RAB31: variants seen among roughly 807,000 people sequenced by gnomAD.
RAB31 encodes the protein ras-related protein Rab-31.
RAB31 carries 21 observed loss-of-function variants against 25.6 expected under a neutral mutation model. That is an observed-to-expected ratio of 0.82 (90% CI 0.58 to 1.18). The LOEUF (loss-of-function observed/expected upper bound fraction) is 1.18, where lower values mean the gene tolerates loss of function less well. Ranked by LOEUF, RAB31 falls within the 50% of genes most tolerant of loss-of-function variation. The pLI is 0.00. For synonymous variants in RAB31, 87 were observed against 84.0 expected, an observed-to-expected ratio of 1.04 and a Z score of -0.20; for missense variants, 196 against 250.1, an observed-to-expected ratio of 0.78 and a Z score of 1.46.
chr18:9,754,017 T>C (rs2068248375), intron 1 of RAB31, among the ~76,000 whole-genome samples: 1 of 152,146 alleles, frequency 6.6e-6, no homozygotes, highest in Non-Finnish European at 1.5e-5. Flanking sequence ...GCATCACCAC[T>C]GGGCATAAGT....
chr18:9,721,588 C>A (rs2068073954), intron 1 of RAB31, among the ~76,000 whole-genome samples: 2 of 149,244 alleles, frequency 1.3e-5, no homozygotes, highest in African/African-American at 5.0e-5. Context: ...TGCACTCCAA[C>A]CTGGCTGACA....
At position 9,738,124 on chromosome 18, in the gene RAB31, C is replaced by T. The variant is rs140574116; in HGVS notation, c.39+29680C>T. On this transcript the variant is annotated intron_variant, in intron 1 of 6. Coordinates refer to ENST00000578921, the MANE Select transcript of RAB31 (RefSeq NM_006868.4). ...CACAGCCCTGGTTCCAATGACTTAA[C>T]GCCGCCTGGGCCACTGCAAGACCGG... is the stretch of plus-strand genomic sequence containing the variant. Among the ~76,000 whole-genome samples the T allele has an allele frequency of 2.2e-3, 341 of 152,336 alleles. 3 individuals carry two copies. Among genetic ancestry groups the T allele is most frequent in the African/African-American group, 7.6e-3 (316 of 41,586 alleles).
intron 5 of RAB31, among the ~76,000 whole-genome samples, chr18:9,840,425 C>T (rs1456242964): frequency 6.6e-6 from 1 of 152,126 alleles, no homozygotes; most frequent in Admixed American, 6.6e-5. Flanking sequence ...CTCCCATAAT[C>T]GTAATGACGG....
intron 1 of RAB31, among the ~76,000 whole-genome samples, chr18:9,758,481 G>C (rs1052721647): frequency 6.6e-6 from 1 of 151,960 alleles, no homozygotes; most frequent in Non-Finnish European, 1.5e-5. Context: ...CACCAGTCCT[G>C]CCTGTCTCTT....
chr18:9,751,454 C>G (rs140423335), intron 1 of RAB31, among the ~76,000 whole-genome samples: 2 of 152,174 alleles, frequency 1.3e-5, no homozygotes, highest in African/African-American at 2.4e-5. Context: ...GACCTTGGCC[C>G]GCGGTGCAGA....
chr18:9,845,103 G>A (rs545798747), intron 5 of RAB31, among the ~76,000 whole-genome samples: 3 of 152,102 alleles, frequency 2.0e-5, no homozygotes, highest in Non-Finnish European at 4.4e-5. Context: ...AGCCATGGTC[G>A]GTATAACCAT....
At chr18:9,785,862 G>A (rs1176759741) in intron 2 of RAB31, among the ~76,000 whole-genome samples, 2 of 152,124 alleles carry the variant, frequency 1.3e-5, no homozygotes, top group East Asian at 1.9e-4. Flanking sequence ...GGGGTTTGAG[G>A]CCAGCCTGAC....
chr18:9,814,672 C>T (rs1286100736), intron 4 of RAB31: 1 of 160,672 alleles, frequency 6.2e-6, no homozygotes, highest in Non-Finnish European at 1.4e-5. Context: ...CCACGAGTTC[C>T]TGACCACTTC....
At chr18:9,728,670 T>C (rs2068106880) in intron 1 of RAB31, among the ~76,000 whole-genome samples, 1 of 152,096 alleles carries the variant, frequency 6.6e-6, no homozygotes, top group Non-Finnish European at 1.5e-5. Flanking sequence ...ACCGAGTAGC[T>C]GGGATTACAG....
chr18:9,845,770 C>G, intron 6 of RAB31, 79 bp downstream of exon 6: 1 of 1,440,156 alleles, frequency 6.9e-7, no homozygotes, highest in East Asian at 2.6e-5. Context: ...TTTTAGAACT[C>G]TGAAGTGAAC....
intron 1 of RAB31, among the ~76,000 whole-genome samples, chr18:9,763,600 T>TTATATATATATATA (rs57545209): frequency 2.8e-5 from 4 of 141,696 alleles, no homozygotes; most frequent in African/African-American, 1.0e-4. Flanking sequence ...AAGAAAAAAA[T>TTATATATATATATA]TATATATATA....
chr18:9,728,202 C>A (rs1223656094), intron 1 of RAB31, among the ~76,000 whole-genome samples: 2 of 152,202 alleles, frequency 1.3e-5, no homozygotes, highest in Non-Finnish European at 2.9e-5. Flanking sequence ...AGCAATCCCA[C>A]TTATTTTAAA....
intron 1 of RAB31, among the ~76,000 whole-genome samples, chr18:9,736,253 T>G (rs1005330065): frequency 6.6e-6 from 1 of 152,186 alleles, no homozygotes; most frequent in Non-Finnish European, 1.5e-5. Flanking sequence ...GGATTACAGA[T>G]GTGAACCACC....
chr18:9,831,626 C>T (rs57410294), intron 5 of RAB31, among the ~76,000 whole-genome samples: 80 of 152,322 alleles, frequency 5.3e-4, no homozygotes, highest in African/African-American at 1.8e-3. Flanking sequence ...TGTGTGGGCA[C>T]GGCGCTGTGG....
At position 9,766,211 on chromosome 18, in the gene RAB31, G is replaced by A. The variant is rs915665404; in HGVS notation, c.40-9067G>A. Among the ~76,000 whole-genome samples, 2 of 152,110 alleles carry A rather than the reference G, an allele frequency of 1.3e-5. No individual in the cohort carries two copies. The highest frequency in any genetic ancestry group is 2.9e-5 in the Non-Finnish European group (2 of 68,018). On this transcript the variant is annotated intron_variant, in intron 1 of 6. Transcript: ENST00000578921. The surrounding 1 kb of genome is among the most constrained non-coding windows in gnomAD (Gnocchi z 4.3). The stretch of plus-strand genomic sequence containing the variant: ...CCCTGGCCTGGATTGCTAAGGCCAG[G>A]GCCCGGGAGCTGGGCTCTCACTCTT...
rs947453925 is a variant in RAB31, at chr18:9,749,041, A to G, written c.40-26237A>G. On this transcript the variant is annotated intron_variant, in intron 1 of 6. Coordinates refer to ENST00000578921, the MANE Select transcript of RAB31 (RefSeq NM_006868.4). ...TTGTGATTTCTGTTTGTTTTCTTCAAAGAACCATTTTATGGTTATGTGCAT... is the reference window on the plus strand; with the variant it reads ...TTGTGATTTCTGTTTGTTTTCTTCAGAGAACCATTTTATGGTTATGTGCAT... Among the ~76,000 whole-genome samples the G allele has an allele frequency of 4.6e-5, 7 of 152,204 alleles. No individual in the cohort carries two copies. The South Asian group carries it at 6.2e-4, about 13-fold the overall frequency.
intron 6 of RAB31, among the ~76,000 whole-genome samples, chr18:9,858,430 C>G (rs976981763): frequency 5.3e-5 from 8 of 152,156 alleles, no homozygotes; most frequent in African/African-American, 1.9e-4. Context: ...TTCAAATGTA[C>G]AATTCGGTGG....
intron 2 of RAB31, among the ~76,000 whole-genome samples, chr18:9,778,073 T>TA (rs2068382642): frequency 6.6e-6 from 1 of 152,066 alleles, no homozygotes; most frequent in African/African-American, 2.4e-5. Context: ...TTTTTTAAAG[T>TA]AAAAAGACAG....
chr18:9,845,745 A>C, intron 6 of RAB31, 54 bp downstream of exon 6: 1 of 1,495,848 alleles, frequency 6.7e-7, no homozygotes. Context: ...TGCTTCTGGG[A>C]GTCAAAGGAT....
Sources: allele counts gnomAD v4.1 joint callset (sites outside exome capture counted in the v4.1 genomes callset), GRCh38; gene constraint gnomAD v4.1.1; non-coding constraint Gnocchi (gnomAD v3.1); transcripts MANE v1.5; gene names NCBI Gene and HGNC (gene_info 2026-07-23, HGNC 2026-07-21).